Variants in NEBL observed in about 807,000 individuals in gnomAD.
The protein encoded by NEBL is LIM and SH3 protein 2.
Under a neutral mutation model 140.2 loss-of-function variants are expected in NEBL, and 122 were observed. The ratio of observed to expected loss-of-function variants is 0.87; its 90% CI spans 0.75 to 1.01. NEBL has a LOEUF of 1.01. Among genes scored for constraint, NEBL ranks in the 50% least tolerant of loss-of-function variants. NEBL has a pLI of 0.00. For missense variants in NEBL, 1,365 were observed against 1,231.3 expected, an observed-to-expected ratio of 1.11 and a Z score of -1.62; for synonymous variants, 436 against 398.9, an observed-to-expected ratio of 1.09 and a Z score of -1.11.
At chr10:20,838,014 T>C (rs1434091953) in intron 13 of NEBL, among the ~76,000 whole-genome samples, 2 of 152,192 alleles carry the variant, frequency 1.3e-5, no homozygotes, top group Non-Finnish European at 2.9e-5. Context: ...CTGATAGAAA[T>C]GTATAAGGAT....
At chr10:20,814,452 A>T (rs1838501506) in intron 22 of NEBL, among the ~76,000 whole-genome samples, 1 of 152,000 alleles carries the variant, frequency 6.6e-6, no homozygotes, top group Admixed American at 6.6e-5. Context: ...AATTAAAAAA[A>T]AAAAAAAATT....
At chr10:20,819,662 G>T in intron 19 of NEBL, 146 bp from the exon 20 acceptor site, 1 of 1,011,652 alleles carries the variant, frequency 9.9e-7, no homozygotes, top group Non-Finnish European at 1.5e-6. Context: ...AATATGTATT[G>T]CTTATAGATT....
At chr10:21,074,715 T>G (rs1835983950) in intron 2 of NEBL, among the ~76,000 whole-genome samples, 1 of 152,116 alleles carries the variant, frequency 6.6e-6, no homozygotes, top group African/African-American at 2.4e-5. Context: ...CCTGACCTCA[T>G]GATCCGCCTG....
chr10:20,853,143 G>A (rs1842713172), intron 9 of NEBL, among the ~76,000 whole-genome samples: 1 of 151,998 alleles, frequency 6.6e-6, no homozygotes, highest in Admixed American at 6.5e-5. Flanking sequence ...AAGATTGAGA[G>A]GCACAAGGAA....
intron 1 of NEBL, among the ~76,000 whole-genome samples, chr10:21,283,598 T>C (rs2132300152): frequency 6.6e-6 from 1 of 152,278 alleles, no homozygotes; most frequent in East Asian, 1.9e-4. Flanking sequence ...AGAAAGGTTA[T>C]AGAGTACATA....
chr10:20,802,468 G>C (rs1837210948), intron 26 of NEBL, among the ~76,000 whole-genome samples: 1 of 152,198 alleles, frequency 6.6e-6, no homozygotes, highest in Non-Finnish European at 1.5e-5. Flanking sequence ...CAGTAGAGAT[G>C]TAAAATGCAA....
chr10:21,069,809 T>C (rs191949874), intron 2 of NEBL: 1 of 350,362 alleles, frequency 2.9e-6, no homozygotes, highest in African/African-American at 2.1e-5. Flanking sequence ...TGTATTCATC[T>C]GATCATTATC....
rs538792839 is a variant in NEBL at position 20,851,172 on chromosome 10, T to A, written c.1009-670A>T. Reference sequence around the variant, plus strand: ...AATAATATGTAAGCCATCACAATGGTTGGCTTTTTAAGCAATATACTGTTT... The same window carrying A: ...AATAATATGTAAGCCATCACAATGGATGGCTTTTTAAGCAATATACTGTTT... On this transcript the variant is annotated intron_variant, in intron 10 of 27. Coordinates refer to ENST00000377122, the MANE Select transcript of NEBL (RefSeq NM_006393.3). 3.3e-5 allele frequency among the ~76,000 whole-genome samples: 5 copies of A among 152,318 alleles called. No homozygotes were observed. In the South Asian group the frequency reaches 1.0e-3, roughly 32 times the overall value.
At chr10:21,210,710 A>G (rs777354122) in intron 3 of NEBL, among the ~76,000 whole-genome samples, 2 of 152,226 alleles carry the variant, frequency 1.3e-5, no homozygotes, top group Non-Finnish European at 2.9e-5. Context: ...GGAGTCATGC[A>G]CTAAAGTGCT....
chr10:20,828,684 A>G, intron 16 of NEBL, 50 bp from the exon 17 acceptor site: 1 of 1,231,782 alleles, frequency 8.1e-7, no homozygotes, highest in Non-Finnish European at 1.2e-6. Flanking sequence ...GTGTGCGCAC[A>G]TGTGAGAGGG....
rs771269408 is a variant in NEBL at position 20,888,172 on chromosome 10, A to G, written c.294T>C (p.Ser98=). The change falls in exon 4 of 28, where the codon TCT becomes TCC. Residue 98 remains serine (S), a synonymous_variant. Transcript: ENST00000377122. The part of the protein sequence containing the change: ...KYKGTIKADL[S]NSLYKRMPAT... ...CTGGCATCCGCTTATAAAGAGAATTAGAAAGGTCAGCTTTAATGGTGCCTT... is the reference window on the plus strand; with the variant it reads ...CTGGCATCCGCTTATAAAGAGAATTGGAAAGGTCAGCTTTAATGGTGCCTT... The G allele has an allele frequency of 1.2e-6, 2 of 1,613,886 alleles. No homozygotes were observed. The highest frequency in any genetic ancestry group is 2.2e-5 in the South Asian group (2 of 91,072).
intron 3 of NEBL, among the ~76,000 whole-genome samples, chr10:20,968,622 G>A (rs1029735126): frequency 2.0e-5 from 3 of 152,208 alleles, no homozygotes; most frequent in Non-Finnish European, 4.4e-5. Context: ...ATGCAAGGAC[G>A]GAAGGTATAT....
At chr10:21,185,980 C>A (rs1841463344) in intron 3 of NEBL, among the ~76,000 whole-genome samples, 1 of 152,230 alleles carries the variant, frequency 6.6e-6, no homozygotes, top group East Asian at 1.9e-4. Flanking sequence ...GAGAAGCTCA[C>A]TAAAGTCATC....
chr10:20,846,053 G>A (rs1323809679), intron 11 of NEBL, among the ~76,000 whole-genome samples: 3 of 152,050 alleles, frequency 2.0e-5, no homozygotes, highest in African/African-American at 7.2e-5. Context: ...ATAGCTGGGG[G>A]CTTAGATTCA....
At chr10:21,183,109 G>T (rs1564538586) in intron 3 of NEBL, among the ~76,000 whole-genome samples, 1 of 152,058 alleles carries the variant, frequency 6.6e-6, no homozygotes, top group Admixed American at 6.6e-5. Context: ...CACACTAGGG[G>T]CCCCCCAAGC....
chr10:21,193,095 T>G (rs1460865487), intron 3 of NEBL, among the ~76,000 whole-genome samples: 1 of 151,676 alleles, frequency 6.6e-6, no homozygotes, highest in African/African-American at 2.4e-5. Context: ...CGTGTTCAAA[T>G]GCACTGAACA....
intron 2 of NEBL, among the ~76,000 whole-genome samples, chr10:21,088,004 A>C (rs1473483239): frequency 2.0e-5 from 3 of 152,256 alleles, no homozygotes; most frequent in Non-Finnish European, 4.4e-5. Flanking sequence ...CAGTCAGAAC[A>C]GGCTTGATTA....
At chr10:21,114,299 C>T (rs1168783279) in intron 2 of NEBL, among the ~76,000 whole-genome samples, 1 of 152,018 alleles carries the variant, frequency 6.6e-6, no homozygotes, top group Non-Finnish European at 1.5e-5. Context: ...CCCTGAATGA[C>T]TTAAATCTTT....
intron 3 of NEBL, among the ~76,000 whole-genome samples, chr10:21,208,028 T>C (rs1841857038): frequency 6.6e-6 from 1 of 152,160 alleles, no homozygotes; most frequent in Non-Finnish European, 1.5e-5. Context: ...CAGCAGAGTT[T>C]GCAGCAGAGA....
Sources: allele counts gnomAD v4.1 joint callset (sites outside exome capture counted in the v4.1 genomes callset), GRCh38; gene constraint gnomAD v4.1.1; transcripts MANE v1.5; gene names NCBI Gene and HGNC (gene_info 2026-07-23, HGNC 2026-07-21).